The following SLC22A3 variants were observed in gnomAD, a reference collection of about 807,000 sequenced individuals.
The protein encoded by SLC22A3 is solute carrier family 22 member 3.
SLC22A3 carries 51 observed loss-of-function variants against 59.1 expected under a neutral mutation model. The ratio of observed to expected loss-of-function variants is 0.86; its 90% CI spans 0.69 to 1.09. The LOEUF is 1.09. SLC22A3 is among the 50% of genes least tolerant of loss of function. The probability of loss-of-function intolerance (pLI) is 0.00; values close to 1 mark genes in which losing one functional copy is unlikely to be tolerated. For missense variants in SLC22A3, 711 were observed against 726.3 expected (o/e 0.98, Z 0.24); for synonymous variants, 325 against 292.0 (o/e 1.11, Z -1.15).
chr6:160,438,204 G>A (rs895153404), intron 7 of SLC22A3, among the ~76,000 whole-genome samples: 4 of 152,106 alleles, frequency 2.6e-5, no homozygotes, highest in Non-Finnish European at 4.4e-5. Flanking sequence ...AGCAGAGGGT[G>A]CCGTGACTCC....
At chr6:160,384,679 G>A (rs1444128663) in intron 1 of SLC22A3, among the ~76,000 whole-genome samples, 2 of 152,096 alleles carry the variant, frequency 1.3e-5, no homozygotes, top group Non-Finnish European at 2.9e-5. Context: ...GGCTGGGTGG[G>A]AAGGAGATCT....
intron 5 of SLC22A3, among the ~76,000 whole-genome samples, chr6:160,436,034 AGGG>A (rs1430491674): frequency 2.0e-5 from 3 of 152,136 alleles, no homozygotes; most frequent in Admixed American, 6.5e-5. Context: ...AAGGCTTCCC[AGGG>A]GAGGTAAAAT....
chr6:160,398,562 T>C lies in SLC22A3; in HGVS notation c.533+480T>C, dbSNP rs1229521865. On this transcript the variant is annotated intron_variant, in intron 2 of 10. Transcript: ENST00000275300. Reference sequence around the variant, plus strand: ...TAAAACTCTGTGAAAAAAATATTTTTCCAAAAACCACTAAAGGAGTTTTTT... The same window carrying C: ...TAAAACTCTGTGAAAAAAATATTTTCCCAAAAACCACTAAAGGAGTTTTTT... Among the ~76,000 whole-genome samples the C allele has an allele frequency of 7.2e-5, 11 of 152,228 alleles. No homozygotes were observed. The East Asian group carries it at 2.1e-3, about 29-fold the overall frequency.
intron 1 of SLC22A3, among the ~76,000 whole-genome samples, chr6:160,378,930 A>G (rs1457914480): frequency 6.6e-6 from 1 of 152,218 alleles, no homozygotes; most frequent in East Asian, 1.9e-4. Context: ...GAAAAAGATC[A>G]AAATTAAAAA....
intron 1 of SLC22A3, among the ~76,000 whole-genome samples, chr6:160,389,372 G>A (rs1178039668): frequency 2.6e-5 from 4 of 152,158 alleles, no homozygotes; most frequent in Admixed American, 1.3e-4. Flanking sequence ...AATTCTGTCA[G>A]CCAGTCCTTG....
chr6:160,403,962 C>T (rs889634719), intron 2 of SLC22A3, among the ~76,000 whole-genome samples: 1 of 151,988 alleles, frequency 6.6e-6, no homozygotes, highest in African/African-American at 2.4e-5. Flanking sequence ...TAACATCATA[C>T]TTAATGACGA....
chr6:160,440,262 A>G (rs1788496513), intron 7 of SLC22A3, among the ~76,000 whole-genome samples: 1 of 152,216 alleles, frequency 6.6e-6, no homozygotes, highest in Non-Finnish European at 1.5e-5. Flanking sequence ...AGTTTGGATA[A>G]GTCGTCTTCT....
chr6:160,405,828 T>G (rs1169994603), intron 2 of SLC22A3, among the ~76,000 whole-genome samples: 2 of 152,058 alleles, frequency 1.3e-5, no homozygotes, highest in Admixed American at 1.3e-4. Context: ...CTGGAAAGGC[T>G]ACATACTATA....
At position 160,436,900 on chromosome 6, in the gene SLC22A3, T is replaced by C. The variant is rs8187723; in HGVS notation, c.1073+23T>C. The stretch of plus-strand genomic sequence containing the variant: ...TTGGTAAGTTTGACTTGTGATGGAT[T>C]TAAAAGCTTGCGTTAAATTTACAAT... On this transcript the variant is annotated intron_variant, in intron 6 of 10. Coordinates refer to ENST00000275300, the MANE Select transcript of SLC22A3 (RefSeq NM_021977.4). 6.8e-6 allele frequency: 11 copies of C among 1,612,090 alleles called. No homozygotes were observed. The Admixed American group carries it at 8.3e-5, about 12-fold the overall frequency.
intron 1 of SLC22A3, among the ~76,000 whole-genome samples, chr6:160,388,634 A>C (rs1030795500): frequency 1.3e-5 from 2 of 152,232 alleles, no homozygotes; most frequent in African/African-American, 4.8e-5. Flanking sequence ...ATGCTCATAG[A>C]AATGCCTCTT....
At chr6:160,411,460 G>A (rs568582913) in intron 5 of SLC22A3, among the ~76,000 whole-genome samples, 17 of 152,228 alleles carry the variant, frequency 1.1e-4, no homozygotes, top group African/African-American at 3.1e-4. Context: ...GGGGAGGGCC[G>A]GGTGTAATGG....
chr6:160,384,504 G>A (rs76877638), intron 1 of SLC22A3, among the ~76,000 whole-genome samples: 6,335 of 152,228 alleles, frequency 0.042, 396 homozygotes, highest in African/African-American at 0.13. Context: ...GGAGACAGGA[G>A]CATTCAGGGA....
chr6:160,442,403 G>T (rs1482658310), intron 7 of SLC22A3, among the ~76,000 whole-genome samples: 5 of 152,186 alleles, frequency 3.3e-5, no homozygotes, highest in African/African-American at 1.2e-4. Context: ...TGGCTCAAAG[G>T]CATGACTGGA....
At chr6:160,427,361 T>C (rs1440968694) in intron 5 of SLC22A3, among the ~76,000 whole-genome samples, 1 of 152,178 alleles carries the variant, frequency 6.6e-6, no homozygotes, top group Non-Finnish European at 1.5e-5. Context: ...ACTCAGTGAC[T>C]GGGGCTAATG....
chr6:160,406,123 G>A (rs1383368327), intron 2 of SLC22A3, among the ~76,000 whole-genome samples: 2 of 152,160 alleles, frequency 1.3e-5, no homozygotes, highest in African/African-American at 4.8e-5. Flanking sequence ...TGCAGCAAGT[G>A]TACCACTCCC....
At position 160,392,924 on chromosome 6, in the gene SLC22A3, A is replaced by T. The variant is rs78787130; in HGVS notation, c.430-5055A>T. ...ATTATTATTATTATTTTTAATACTG[A>T]TGAAGAGTTTAGTGACTCCTGATTT... is the stretch of plus-strand genomic sequence containing the variant. On this transcript the variant is annotated intron_variant, in intron 1 of 10. Transcript: ENST00000275300. Among the ~76,000 whole-genome samples the T allele has an allele frequency of 8.7e-5, 13 of 149,368 alleles. No individual in the cohort carries two copies. In the East Asian group the frequency reaches 2.3e-3, roughly 27 times the overall value.
At chr6:160,442,004 A>C (rs1052260337) in intron 7 of SLC22A3, among the ~76,000 whole-genome samples, 3 of 152,220 alleles carry the variant, frequency 2.0e-5, no homozygotes, top group Non-Finnish European at 4.4e-5. Context: ...AAGAAAGAAA[A>C]TATTTAATAT....
chr6:160,388,587 T>C (rs1171757192), intron 1 of SLC22A3, among the ~76,000 whole-genome samples: 5 of 152,172 alleles, frequency 3.3e-5, no homozygotes, highest in Admixed American at 2.0e-4. Context: ...ATCTCTACTT[T>C]AATTGCTTAT....
intron 1 of SLC22A3, among the ~76,000 whole-genome samples, chr6:160,397,216 T>C (rs945666989): frequency 6.6e-6 from 1 of 152,142 alleles, no homozygotes; most frequent in Non-Finnish European, 1.5e-5. Context: ...TAGATTCTCA[T>C]AAGAAGTGCG....
Sources: gnomAD v4.1 joint callset for allele counts (sites outside exome capture counted in the v4.1 genomes callset) on GRCh38, gnomAD v4.1.1 for gene constraint, MANE v1.5 for transcripts, NCBI Gene and HGNC (gene_info 2026-07-23, HGNC 2026-07-21) for gene names.